The following HDLBP variants were observed in gnomAD, a reference collection of about 807,000 sequenced individuals.
HDLBP encodes the protein high density lipoprotein binding protein.
In HDLBP, 30 loss-of-function variants were observed where a neutral mutation model predicts 137.3. That is an observed-to-expected ratio of 0.22 (90% confidence interval 0.16 to 0.30). The LOEUF (loss-of-function observed/expected upper bound fraction) is 0.30. Among genes scored for constraint, HDLBP ranks in the 10% least tolerant of loss-of-function variants. The probability of loss-of-function intolerance (pLI) is 1.00; values close to 1 mark genes in which losing one functional copy is unlikely to be tolerated. For synonymous variants in HDLBP, 606 were observed against 596.0 expected, an observed-to-expected ratio of 1.02 and a Z score of -0.24; for missense variants, 1,119 against 1,667.3, an observed-to-expected ratio of 0.67 and a Z score of 5.73.
chr2:241,258,064 G>T (rs944620653), intron 5 of HDLBP, among the ~76,000 whole-genome samples: 4 of 152,028 alleles, frequency 2.6e-5, no homozygotes, highest in Non-Finnish European at 5.9e-5. Context: ...GATCAGCCTG[G>T]GCAACATGGT....
In HDLBP at chr2:241,256,046, A is replaced by C. The variant is rs1244383910; in HGVS notation, c.873+138T>G. ...GGCGGGCACCGATCTCACCCGGGTC[A>C]CTCAAGTGTAGAGACAATAAGCATC... is the stretch of plus-strand genomic sequence containing the variant. On this transcript the variant is annotated intron_variant, in intron 7 of 27. Transcript: ENST00000310931. 11 of 725,062 alleles carry C rather than the reference A, an allele frequency of 1.5e-5. No individual in the cohort carries two copies. In the African/African-American group the frequency reaches 1.9e-4, roughly 13 times the overall value. 44.9% of individuals were successfully genotyped at this position (725,062 alleles called of 1,614,324 possible).
chr2:241,274,651 CTG>C (rs1418315923), intron 1 of HDLBP, among the ~76,000 whole-genome samples: 5 of 152,244 alleles, frequency 3.3e-5, no homozygotes, highest in Non-Finnish European at 1.5e-5. Flanking sequence ...TTAAAAAACA[CTG>C]TTAGCAGAAG....
Position 241,240,255 on chromosome 2 carries a change from T to A in HDLBP, c.2170-133A>T, listed in dbSNP as rs1392409622. 2.4e-6 allele frequency: 2 copies of A among 826,132 alleles called. No individual in the cohort carries two copies. The highest frequency in any genetic ancestry group is 2.5e-5 in the East Asian group (1 of 39,516). The allele number at this position is 826,132 out of a possible 1,614,324, so 51.2% of individuals were successfully genotyped here. A position where few individuals can be genotyped will look rare whatever the true frequency, so the allele number is the denominator to read the frequency against. On this transcript the variant is annotated intron_variant, in intron 17 of 27. Transcript: ENST00000310931. The surrounding 1 kb of genome is among the most constrained non-coding windows in gnomAD (Gnocchi z 5.5). ...CACCAGTGTCCTGATGTTGCACCAA[T>A]ACCCCCAAAATGGGGCTAGCACACC...
In HDLBP at chr2:241,271,473, T is replaced by G. The variant is rs186750979; in HGVS notation, c.-102-2932A>C. 4.8e-4 allele frequency among the ~76,000 whole-genome samples: 73 copies of G among 152,276 alleles called. 1 individual carries two copies. The East Asian group carries it at 0.013, about 27-fold the overall frequency. On this transcript the variant is annotated intron_variant, in intron 1 of 27. Transcript: ENST00000310931. The stretch of plus-strand genomic sequence containing the variant: ...TGTGTTGCGTGGGAAACCTGGTGCT[T>G]ACAAGTTTAGCACAAGTCTAACAGG...
chr2:241,307,981 T>C (rs2075635507), intron 1 of HDLBP, among the ~76,000 whole-genome samples: 1 of 152,140 alleles, frequency 6.6e-6, no homozygotes, highest in African/African-American at 2.4e-5. Flanking sequence ...AATTATATGA[T>C]GACAGGCAAT....
chr2:241,239,861 A>G lies in HDLBP; in HGVS notation c.2391+40T>C. The G allele has an allele frequency of 6.2e-7, 1 of 1,611,850 alleles. No individual in the cohort carries two copies. The highest frequency in any genetic ancestry group is 8.5e-7 in the Non-Finnish European group (1 of 1,178,214). ...GAGATGGAAGATAAGCCACCCCATC[A>G]CGGCCCCAGCAGAGTCGGCCGCCGA... On this transcript the variant is annotated intron_variant, in intron 18 of 27. Transcript: ENST00000310931. The surrounding 1 kb of genome is among the most constrained non-coding windows in gnomAD (Gnocchi z 4.6).
chr2:241,267,249 T>C (rs563906906), intron 2 of HDLBP, among the ~76,000 whole-genome samples: 1 of 152,086 alleles, frequency 6.6e-6, no homozygotes, highest in African/African-American at 2.4e-5. Flanking sequence ...AAAAACCTCA[T>C]GTTTTAAGAA....
Position 241,230,670 on chromosome 2 carries a change from G to C in HDLBP, c.3474+89C>G. ...GGGGTTGTGGCCTCATCATCTTGAG[G>C]GGAAGGCCATGCCCTGCTCTTTCTT... is the stretch of plus-strand genomic sequence containing the variant. On this transcript the variant is annotated intron_variant, in intron 25 of 27. Transcript: ENST00000310931. The surrounding 1 kb of genome is among the most constrained non-coding windows in gnomAD (Gnocchi z 5.0). The C allele has an allele frequency of 8.8e-7, 1 of 1,134,634 alleles. No homozygotes were observed. Among genetic ancestry groups the C allele is most frequent in the Non-Finnish European group, 1.3e-6 (1 of 776,662 alleles). 70.3% of individuals were successfully genotyped at this position (1,134,634 alleles called of 1,614,324 possible). A position where few individuals can be genotyped will look rare whatever the true frequency, so the allele number is the denominator to read the frequency against.
intron 10 of HDLBP, 70 bp from the exon 11 acceptor site, chr2:241,253,105 C>T: frequency 8.7e-7 from 1 of 1,147,294 alleles, no homozygotes; most frequent in Non-Finnish European, 1.3e-6. Context: ...CAAAACCCAG[C>T]AGTCTCCACG....
At chr2:241,237,519 A>G (rs556467423) in intron 20 of HDLBP, among the ~76,000 whole-genome samples, 2 of 152,252 alleles carry the variant, frequency 1.3e-5, no homozygotes, top group African/African-American at 4.8e-5. Flanking sequence ...CCTGAAATCA[A>G]GGGTGATCCT....
Position 241,239,894 on chromosome 2 carries a change from T to C in HDLBP, c.2391+7A>G. 6.2e-7 allele frequency: 1 copy of C among 1,613,578 alleles called. No individual in the cohort carries two copies. The highest frequency in any genetic ancestry group is 8.5e-7 in the Non-Finnish European group (1 of 1,179,628). ...AGCAGAGTCGGCCGCCGAGGCCCGC[T>C]CCCTACCAGGTTTTGGATCAAGGCC... On this transcript the variant is annotated splice_region_variant and intron_variant, in intron 18 of 27. Transcript: ENST00000310931. This position sits in a 1 kb window ranked among gnomAD's most constrained non-coding sequence, Gnocchi z 4.6.
intron 12 of HDLBP, 26 bp from the exon 13 acceptor site, chr2:241,248,374 C>T (rs182635889): frequency 1.7e-5 from 27 of 1,560,010 alleles, no homozygotes; most frequent in Admixed American, 1.2e-4. Context: ...AAGTAGATGT[C>T]ATTTATCACA....
rs371053785 is a variant in HDLBP, at chr2:241,239,742, G to T, written c.2470C>A (p.Arg824=). The T allele has an allele frequency of 4.3e-6, 7 of 1,614,028 alleles. No homozygotes were observed. In the African/African-American group the frequency reaches 9.3e-5, roughly 22 times the overall value. The change falls in exon 19 of 28, where the codon CGG becomes AGG. Residue 824 remains arginine (R), a synonymous_variant. Coordinates refer to ENST00000310931, the MANE Select transcript of HDLBP (RefSeq NM_005336.6). This position sits in a 1 kb window ranked among gnomAD's most constrained non-coding sequence, Gnocchi z 4.6. ...HFVIRRGQVL[R]EIAEEYGGVM... The stretch of plus-strand genomic sequence containing the variant: ...CCGCCATACTCTTCAGCAATCTCCC[G>T]CAAGACCTGGCCTCTGCGGATGACG...
At chr2:241,310,108 C>T (rs920029206) in intron 1 of HDLBP, among the ~76,000 whole-genome samples, 4 of 152,084 alleles carry the variant, frequency 2.6e-5, no homozygotes, top group Non-Finnish European at 5.9e-5. Context: ...AAAAAGAAAA[C>T]AGGGAAAAAT....
intron 1 of HDLBP, among the ~76,000 whole-genome samples, chr2:241,285,900 T>C (rs2074788321): frequency 6.6e-6 from 1 of 152,172 alleles, no homozygotes; most frequent in South Asian, 2.1e-4. Context: ...AGCCTGTGCC[T>C]GTAATCCTAG....
chr2:241,252,514 C>T (rs142526358), intron 11 of HDLBP, among the ~76,000 whole-genome samples: 1 of 152,278 alleles, frequency 6.6e-6, no homozygotes, highest in East Asian at 1.9e-4. Context: ...AAAAGTATCC[C>T]TCCCCATGTT....
intron 1 of HDLBP, among the ~76,000 whole-genome samples, chr2:241,304,149 T>C (rs1239632802): frequency 6.6e-6 from 1 of 152,222 alleles, no homozygotes; most frequent in Non-Finnish European, 1.5e-5. Context: ...ATTACCTTTT[T>C]AGCAATCAAC....
chr2:241,248,726 G>A (rs1410529287), intron 12 of HDLBP, among the ~76,000 whole-genome samples: 5 of 152,102 alleles, frequency 3.3e-5, no homozygotes, highest in Middle Eastern at 3.2e-3. Context: ...TCTTCTACTT[G>A]GAGGCCTGGC....
In HDLBP at chr2:241,309,095, C is replaced by T. The variant is rs2075680549; in HGVS notation, c.-103+6475G>A. 2.6e-5 allele frequency among the ~76,000 whole-genome samples: 4 copies of T among 152,226 alleles called. No homozygotes were observed. The South Asian group carries it at 8.3e-4, about 32-fold the overall frequency. ...CGCTGCCCATGGCTTGTTTGCTCAT[C>T]TCAAGTTTGAATCAACTGTCGCTCA... On this transcript the variant is annotated intron_variant, in intron 1 of 27. Coordinates refer to ENST00000310931, the MANE Select transcript of HDLBP (RefSeq NM_005336.6).
Sources: allele counts gnomAD v4.1 joint callset (sites outside exome capture counted in the v4.1 genomes callset), GRCh38; gene constraint gnomAD v4.1.1; non-coding constraint Gnocchi (gnomAD v3.1); transcripts MANE v1.5; gene names NCBI Gene and HGNC (gene_info 2026-07-23, HGNC 2026-07-21).